The following KLHL1 variants were observed in gnomAD, a reference collection of about 807,000 sequenced individuals.
The protein encoded by KLHL1 is kelch like family member 1, also known as kelch-like protein 1.
KLHL1 carries 47 observed loss-of-function variants against 77.7 expected under a neutral mutation model. The ratio of observed to expected loss-of-function variants is 0.60; its 90% CI spans 0.48 to 0.77. KLHL1 has a LOEUF of 0.77. KLHL1 is among the 30% of genes least tolerant of loss of function. The pLI, the probability that KLHL1 is intolerant of heterozygous loss-of-function variation, is 0.00. For missense variants in KLHL1, 925 were observed against 910.8 expected, an observed-to-expected ratio of 1.02 and a Z score of -0.20; for synonymous variants, 360 against 325.2, an observed-to-expected ratio of 1.11 and a Z score of -1.15.
intron 1 of KLHL1, among the ~76,000 whole-genome samples, chr13:70,095,046 T>G (rs1887754336): frequency 6.6e-6 from 1 of 152,230 alleles, no homozygotes; most frequent in Non-Finnish European, 1.5e-5. Context: ...GCTACTGTTG[T>G]AGCTCCTCCA....
chr13:69,804,836 G>A (rs1429353249), intron 6 of KLHL1, among the ~76,000 whole-genome samples: 2 of 152,078 alleles, frequency 1.3e-5, no homozygotes, highest in East Asian at 1.9e-4. Flanking sequence ...TATGTTTGAT[G>A]TATTGTCTTT....
At chr13:69,784,135 G>A (rs1294000837) in intron 7 of KLHL1, among the ~76,000 whole-genome samples, 2 of 152,180 alleles carry the variant, frequency 1.3e-5, no homozygotes, top group African/African-American at 4.8e-5. Context: ...AGCAAATGCT[G>A]AGAGATTTTG....
At chr13:69,876,117 C>A (rs568420403) in intron 5 of KLHL1, among the ~76,000 whole-genome samples, 1 of 152,174 alleles carries the variant, frequency 6.6e-6, no homozygotes, top group East Asian at 1.9e-4. Flanking sequence ...AGCATTTTTG[C>A]AGCTAGCCTT....
At chr13:69,868,942 A>T (rs1880476264) in intron 5 of KLHL1, among the ~76,000 whole-genome samples, 2 of 152,112 alleles carry the variant, frequency 1.3e-5, no homozygotes, top group Admixed American at 1.3e-4. Flanking sequence ...GAAAGTAAGG[A>T]GGGTACACAG....
At chr13:70,067,690 C>T (rs2137413406) in intron 1 of KLHL1, among the ~76,000 whole-genome samples, 1 of 152,192 alleles carries the variant, frequency 6.6e-6, no homozygotes, top group African/African-American at 2.4e-5. Context: ...CTTTGAATTC[C>T]ATATCTCTTT....
intron 1 of KLHL1, among the ~76,000 whole-genome samples, chr13:70,046,518 C>T (rs960674751): frequency 1.6e-4 from 24 of 152,094 alleles, no homozygotes; most frequent in African/African-American, 4.1e-4. Context: ...GACAGAATCT[C>T]GCTCTGTTGC....
intron 1 of KLHL1, among the ~76,000 whole-genome samples, chr13:69,980,387 A>C (rs921105325): frequency 7.9e-5 from 12 of 152,128 alleles, no homozygotes; most frequent in Non-Finnish European, 1.5e-4. Context: ...CTCAGTCTTC[A>C]ATGGCTTCTT....
At chr13:69,892,201 A>G (rs1234518286) in intron 4 of KLHL1, among the ~76,000 whole-genome samples, 1 of 152,156 alleles carries the variant, frequency 6.6e-6, no homozygotes, top group African/African-American at 2.4e-5. Flanking sequence ...AGTTTAGGAG[A>G]AAAGATAAAT....
chr13:69,938,778 C>A (rs976258350), intron 4 of KLHL1, among the ~76,000 whole-genome samples: 3 of 152,050 alleles, frequency 2.0e-5, no homozygotes, highest in African/African-American at 7.2e-5. Context: ...TTACAAATTG[C>A]ATATCTTCTT....
In KLHL1 at chr13:70,038,579, TA is replaced by T. The variant is rs1886296016; in HGVS notation, c.498-62778del. ...CTTTGCCAGCATTTGGGATTGTCATTAATTTTTTTTTTTTTTTTTTTTTTTT... is the reference window on the plus strand; with the variant it reads ...CTTTGCCAGCATTTGGGATTGTCATTATTTTTTTTTTTTTTTTTTTTTTTT... On this transcript the variant is annotated intron_variant, in intron 1 of 10. Coordinates refer to ENST00000377844, the MANE Select transcript of KLHL1 (RefSeq NM_020866.3). Among the ~76,000 whole-genome samples the T allele has an allele frequency of 5.6e-5, 7 of 125,328 alleles. No individual in the cohort carries two copies. The East Asian group carries it at 1.5e-3, about 26-fold the overall frequency. The allele number at this position is 125,328 out of a possible 152,430, so 82.2% of individuals were successfully genotyped here.
intron 1 of KLHL1, among the ~76,000 whole-genome samples, chr13:70,071,214 T>A (rs1446126724): frequency 6.6e-6 from 1 of 152,058 alleles, no homozygotes; most frequent in African/African-American, 2.4e-5. Flanking sequence ...TATACCAGGC[T>A]GGAGTAGCTA....
chr13:70,079,976 T>C (rs528595761), intron 1 of KLHL1, among the ~76,000 whole-genome samples: 4 of 152,312 alleles, frequency 2.6e-5, no homozygotes, highest in South Asian at 2.1e-4. Flanking sequence ...CAGGATGTGA[T>C]GGTGAATCCC....
chr13:69,917,080 A>T (rs1446669523), intron 4 of KLHL1, among the ~76,000 whole-genome samples: 2 of 152,064 alleles, frequency 1.3e-5, no homozygotes, highest in Non-Finnish European at 2.9e-5. Flanking sequence ...TTTTATGTAT[A>T]AATATATATG....
rs574123603 is a variant in KLHL1 at position 70,041,118 on chromosome 13, G to C, written c.498-65316C>G. Among the ~76,000 whole-genome samples, 11 of 151,906 alleles carry C rather than the reference G, an allele frequency of 7.2e-5. No individual in the cohort carries two copies. In the South Asian group the frequency reaches 2.3e-3, roughly 32 times the overall value. ...TCTTCATTGTCTCTTCTATACCTTT[G>C]CTCATTTTAAAAAATTTTTTTTATT... On this transcript the variant is annotated intron_variant, in intron 1 of 10. Transcript: ENST00000377844.
intron 5 of KLHL1, among the ~76,000 whole-genome samples, chr13:69,869,492 C>A (rs1388912176): frequency 6.6e-6 from 1 of 152,058 alleles, no homozygotes; most frequent in Non-Finnish European, 1.5e-5. Flanking sequence ...ATATTTATCA[C>A]TTTTAACAAT....
chr13:69,880,467 C>G (rs1442402757), intron 5 of KLHL1, among the ~76,000 whole-genome samples: 1 of 152,048 alleles, frequency 6.6e-6, no homozygotes, highest in Non-Finnish European at 1.5e-5. Flanking sequence ...ACATTTATGT[C>G]TATCGCACAC....
chr13:69,757,557 A>G (rs1330899454), intron 7 of KLHL1, among the ~76,000 whole-genome samples: 1 of 152,184 alleles, frequency 6.6e-6, no homozygotes, highest in African/African-American at 2.4e-5. Flanking sequence ...GGGCAACCCA[A>G]ATGAAGTTAG....
intron 8 of KLHL1, among the ~76,000 whole-genome samples, chr13:69,719,851 CATACTGCAAAAATA>C (rs1487867157): frequency 4.0e-5 from 6 of 150,890 alleles, no homozygotes; most frequent in African/African-American, 1.2e-4. Flanking sequence ...ATTTAAATTG[CATACTGCAAAAATA>C]AGTAATATTA....
intron 1 of KLHL1, among the ~76,000 whole-genome samples, chr13:70,105,119 T>A (rs190282057): frequency 1.3e-5 from 2 of 152,018 alleles, no homozygotes; most frequent in African/African-American, 4.8e-5. Flanking sequence ...AGTTTACACA[T>A]GCCTAATCTC....
Sources: allele counts gnomAD v4.1 joint callset (sites outside exome capture counted in the v4.1 genomes callset), GRCh38; gene constraint gnomAD v4.1.1; transcripts MANE v1.5; gene names NCBI Gene and HGNC (gene_info 2026-07-23, HGNC 2026-07-21).